THSD4: variants seen among roughly 807,000 people sequenced by gnomAD.
THSD4 encodes the protein thrombospondin type-1 domain-containing protein 4.
THSD4 carries 69 observed loss-of-function variants against 119.0 expected under a neutral mutation model. The observed-to-expected ratio is 0.58, with a 90% CI of 0.48 to 0.71. THSD4 has a LOEUF of 0.71. Ranked by LOEUF, THSD4 falls within the 30% of genes least tolerant of loss-of-function variation. The probability of loss-of-function intolerance (pLI) is 0.00; values close to 1 mark genes in which losing one functional copy is unlikely to be tolerated. For missense variants in THSD4, 1,393 were observed against 1,391.1 expected, an observed-to-expected ratio of 1.00 and a Z score of -0.02; for synonymous variants, 524 against 540.4, an observed-to-expected ratio of 0.97 and a Z score of 0.42.
intron 7 of THSD4, among the ~76,000 whole-genome samples, chr15:71,493,574 G>A (rs1333409572): frequency 6.6e-6 from 1 of 152,172 alleles, no homozygotes; most frequent in Non-Finnish European, 1.5e-5. Context: ...ATCAACATTA[G>A]TGTTTGAATG....
intron 4 of THSD4, among the ~76,000 whole-genome samples, chr15:71,218,485 G>A (rs1436680362): frequency 6.6e-6 from 1 of 152,160 alleles, no homozygotes; most frequent in Non-Finnish European, 1.5e-5. Flanking sequence ...TTGGCAGCAG[G>A]AAATTTTTTT....
At chr15:71,240,280 G>A (rs905919616) in intron 4 of THSD4, among the ~76,000 whole-genome samples, 5 of 152,128 alleles carry the variant, frequency 3.3e-5, no homozygotes, top group South Asian at 2.1e-4. Context: ...AGCCTGTCCC[G>A]GGCCAGCAGA....
At chr15:71,326,726 T>TATATATATATATATATATATATA (rs1491127315) in intron 6 of THSD4, among the ~76,000 whole-genome samples, 54 of 88,014 alleles carry the variant, frequency 6.1e-4, no homozygotes, top group East Asian at 1.0e-3. Context: ...TATATATATA[T>TATATATATATATATATATATATA]TAGCTGGGTG....
intron 1 of THSD4, among the ~76,000 whole-genome samples, chr15:71,130,924 T>C (rs922518520): frequency 4.1e-4 from 63 of 152,236 alleles, no homozygotes; most frequent in African/African-American, 1.5e-3. Context: ...TTTTGTATTT[T>C]TAGTAGAGAC....
At chr15:71,498,398 C>G (rs1452141547) in intron 7 of THSD4, among the ~76,000 whole-genome samples, 1 of 152,122 alleles carries the variant, frequency 6.6e-6, no homozygotes, top group Non-Finnish European at 1.5e-5. Context: ...ATTTTTTCAC[C>G]CCAGTTGTGC....
chr15:71,522,271 C>T (rs886843463), intron 7 of THSD4, among the ~76,000 whole-genome samples: 16 of 152,058 alleles, frequency 1.1e-4, no homozygotes, highest in African/African-American at 3.9e-4. Context: ...ATTTACCTTT[C>T]CAAATGTTAC....
chr15:71,217,547 C>T (rs1596274614), intron 4 of THSD4, among the ~76,000 whole-genome samples: 1 of 151,134 alleles, frequency 6.6e-6, no homozygotes, highest in Non-Finnish European at 1.5e-5. Context: ...GGCGTGAACC[C>T]GGGAGGCAGA....
At chr15:71,741,288 C>T (rs1245079497) in intron 11 of THSD4, among the ~76,000 whole-genome samples, 1 of 152,054 alleles carries the variant, frequency 6.6e-6, no homozygotes, top group Non-Finnish European at 1.5e-5. Context: ...GTCAGGAGTT[C>T]AAGAGCAGCC....
At chr15:71,651,233 C>T (rs1216762246) in intron 7 of THSD4, among the ~76,000 whole-genome samples, 12 of 152,208 alleles carry the variant, frequency 7.9e-5, no homozygotes. Flanking sequence ...GTTGGCCATT[C>T]CTTCAGCGTG....
At chr15:71,172,682 CATATATAT>C (rs71152331) in intron 3 of THSD4, among the ~76,000 whole-genome samples, 2,222 of 23,982 alleles carry the variant, frequency 0.093, 36 homozygotes, top group Non-Finnish European at 0.11. Flanking sequence ...TAGACCTATA[CATATATAT>C]ATATATATAT....
chr15:71,644,800 G>A (rs934301203), intron 7 of THSD4, among the ~76,000 whole-genome samples: 1 of 152,042 alleles, frequency 6.6e-6, no homozygotes, highest in Admixed American at 6.6e-5. Flanking sequence ...TTTGAGGCAG[G>A]GATTTCTCTA....
At chr15:71,119,277 T>G (rs1358375130) in intron 1 of THSD4, among the ~76,000 whole-genome samples, 1 of 152,110 alleles carries the variant, frequency 6.6e-6, no homozygotes, top group Non-Finnish European at 1.5e-5. Flanking sequence ...TGAATCAAAA[T>G]TCAGATCTGG....
At chr15:71,675,943 C>T (rs571566011) in intron 8 of THSD4, among the ~76,000 whole-genome samples, 7 of 152,324 alleles carry the variant, frequency 4.6e-5, no homozygotes, top group Admixed American at 3.9e-4. Context: ...CTTGCACCCT[C>T]CTCACTGTTC....
chr15:71,407,262 A>G (rs1170047413), intron 6 of THSD4, among the ~76,000 whole-genome samples: 5 of 152,208 alleles, frequency 3.3e-5, no homozygotes, highest in East Asian at 3.9e-4. Context: ...TTTCTCCCCC[A>G]TTTCCAAAGT....
intron 7 of THSD4, among the ~76,000 whole-genome samples, chr15:71,550,201 G>T (rs556475251): frequency 7.9e-5 from 12 of 152,350 alleles, no homozygotes; most frequent in Admixed American, 7.8e-4. Context: ...ATTTGTCAGC[G>T]TGGGGAGCGT....
At chr15:71,664,306 TTA>T (rs541126111) in intron 8 of THSD4, among the ~76,000 whole-genome samples, 2 of 151,968 alleles carry the variant, frequency 1.3e-5, no homozygotes. Flanking sequence ...TTTTACAACT[TTA>T]TTTTTTTTTA....
rs183762720 is a variant in THSD4 at position 71,341,457 on chromosome 15, T to G, written c.1016-70230T>G. On this transcript the variant is annotated intron_variant, in intron 6 of 17. Coordinates refer to ENST00000261862, the MANE Select transcript of THSD4 (RefSeq NM_024817.3). ...ATGTGCAGCAAGAATTCAGCACTCT[T>G]TTTGGGCCACCGACCTTGTGTCCAG... The G allele has an allele frequency of 4.5e-5, 73 of 1,613,250 alleles. No individual in the cohort carries two copies. The African/African-American group carries it at 7.5e-4, about 16-fold the overall frequency.
chr15:71,480,756 G>A (rs2047718150), intron 7 of THSD4, among the ~76,000 whole-genome samples: 1 of 152,140 alleles, frequency 6.6e-6, no homozygotes, highest in South Asian at 2.1e-4. Context: ...TATTCCATTG[G>A]CCAAAGTAAG....
intron 7 of THSD4, among the ~76,000 whole-genome samples, chr15:71,455,837 C>T (rs1415390830): frequency 6.6e-6 from 1 of 152,148 alleles, no homozygotes; most frequent in African/African-American, 2.4e-5. Flanking sequence ...TAGATTAAAG[C>T]AAGGAGTGCA....
Sources: gnomAD v4.1 joint callset for allele counts (sites outside exome capture counted in the v4.1 genomes callset) on GRCh38, gnomAD v4.1.1 for gene constraint, MANE v1.5 for transcripts, NCBI Gene and HGNC (gene_info 2026-07-23, HGNC 2026-07-21) for gene names.